The following TMEM131L variants were observed in gnomAD, a reference collection of about 807,000 sequenced individuals.
TMEM131L encodes transmembrane protein 131-like.
A neutral mutation model predicts 192.2 loss-of-function variants in TMEM131L; 54 were observed. That is an observed-to-expected ratio of 0.28 (90% CI 0.23 to 0.35). The LOEUF (loss-of-function observed/expected upper bound fraction) is 0.35, where lower values mean the gene tolerates loss of function less well. Among genes scored for constraint, TMEM131L ranks in the 10% least tolerant of loss-of-function variants. TMEM131L has a pLI of 1.00. For synonymous variants in TMEM131L, 701 were observed against 704.9 expected, an observed-to-expected ratio of 0.99 and a Z score of 0.09; for missense variants, 1,888 against 1,972.9, an observed-to-expected ratio of 0.96 and a Z score of 0.82.
At chr4:153,516,308 C>T (rs1332039436) in intron 3 of TMEM131L, among the ~76,000 whole-genome samples, 1 of 152,138 alleles carries the variant, frequency 6.6e-6, no homozygotes, top group Non-Finnish European at 1.5e-5. Flanking sequence ...TGGCTCACTG[C>T]AGCTTCCACC....
At chr4:153,581,688 TGTA>T (rs1488543857) in intron 9 of TMEM131L, 128 bp downstream of exon 9, 3 of 565,448 alleles carry the variant, frequency 5.3e-6, no homozygotes, top group Non-Finnish European at 8.1e-6. Flanking sequence ...ATTAAGTGAT[TGTA>T]GTAGTAACTG....
Position 153,627,619 on chromosome 4 carries a change from T to C in TMEM131L, c.4139T>C (p.Leu1380Pro). The change falls in exon 31 of 35, where the codon CTC (leucine) becomes CCC (proline). Residue 1380 changes from leucine (L) to proline (P), a missense_variant. Physicochemically the swap from Leu to Pro is moderately conservative, Grantham distance 98. Coordinates refer to ENST00000409959, the MANE Select transcript of TMEM131L (RefSeq NM_001131007.2). Reference protein sequence around the residue: ...NICNPMTVNSLPQYAEPSCPS... With the variant: ...NICNPMTVNSPPQYAEPSCPS... ...CTTCCCCACAGGACCGTGAATAGTCTCCCACAATACGCAGAGCCTTCCTGT... is the reference window on the plus strand; with the variant it reads ...CTTCCCCACAGGACCGTGAATAGTCCCCCACAATACGCAGAGCCTTCCTGT... 6.2e-7 allele frequency: 1 copy of C among 1,613,956 alleles called. No individual in the cohort carries two copies. The highest frequency in any genetic ancestry group is 8.5e-7 in the Non-Finnish European group (1 of 1,179,902).
intron 3 of TMEM131L, among the ~76,000 whole-genome samples, chr4:153,475,954 A>G (rs1442904450): frequency 6.6e-6 from 1 of 152,144 alleles, no homozygotes; most frequent in African/African-American, 2.4e-5. Flanking sequence ...TACAAATTGT[A>G]TTGATAACTT....
chr4:153,582,579 T>A (rs903360061), intron 9 of TMEM131L, among the ~76,000 whole-genome samples: 1 of 151,882 alleles, frequency 6.6e-6, no homozygotes, highest in Admixed American at 6.6e-5. Flanking sequence ...GTGCCCTGCT[T>A]TGGCAGTCTT....
intron 2 of TMEM131L, among the ~76,000 whole-genome samples, chr4:153,467,802 C>G (rs899691560): frequency 7.2e-5 from 11 of 152,050 alleles, no homozygotes; most frequent in African/African-American, 2.7e-4. Flanking sequence ...TGGTTTTTTT[C>G]TCTGTATGAT....
intron 3 of TMEM131L, among the ~76,000 whole-genome samples, chr4:153,480,455 G>A (rs1371013558): frequency 6.7e-6 from 1 of 150,346 alleles, no homozygotes; most frequent in Non-Finnish European, 1.5e-5. Flanking sequence ...AGGAGGTGGA[G>A]GTTGCAGTGA....
intron 2 of TMEM131L, among the ~76,000 whole-genome samples, chr4:153,468,425 T>G (rs1730920990): frequency 6.6e-6 from 1 of 151,422 alleles, no homozygotes; most frequent in South Asian, 2.1e-4. Flanking sequence ...CCTAAAAATT[T>G]ATTCCCAAAT....
At chr4:153,467,837 ATAAT>A (rs1730871194) in intron 2 of TMEM131L, among the ~76,000 whole-genome samples, 1 of 152,160 alleles carries the variant, frequency 6.6e-6, no homozygotes, top group Non-Finnish European at 1.5e-5. Flanking sequence ...GTGTAGAAAA[ATAAT>A]TACTGACGTT....
chr4:153,556,593 G>T (rs769479171), intron 5 of TMEM131L, among the ~76,000 whole-genome samples: 3 of 152,154 alleles, frequency 2.0e-5, no homozygotes, highest in Non-Finnish European at 4.4e-5. Context: ...GGTAAACGTT[G>T]TTCCTGATTT....
intron 4 of TMEM131L, among the ~76,000 whole-genome samples, chr4:153,552,277 T>C (rs1413180436): frequency 6.6e-6 from 1 of 152,090 alleles, no homozygotes; most frequent in African/African-American, 2.4e-5. Context: ...GAATATATGT[T>C]ATAGATTGGT....
intron 3 of TMEM131L, among the ~76,000 whole-genome samples, chr4:153,527,666 T>C (rs149190923): frequency 6.6e-6 from 1 of 152,314 alleles, no homozygotes; most frequent in African/African-American, 2.4e-5. Context: ...AATGTTTACT[T>C]CCTTTTCTTC....
rs547910016 is a variant in TMEM131L, at chr4:153,565,128, C to T, written c.660+6760C>T. Among the ~76,000 whole-genome samples the T allele has an allele frequency of 2.0e-5, 3 of 152,324 alleles. No homozygotes were observed. The South Asian group carries it at 6.2e-4, about 32-fold the overall frequency. On this transcript the variant is annotated intron_variant, in intron 7 of 34. Coordinates refer to ENST00000409959, the MANE Select transcript of TMEM131L (RefSeq NM_001131007.2). ...GGTCTGCATGCCGCTTGGTCCACACCCTGCCTTAATGCTTAGAGTCTTGGA... is the reference window on the plus strand; with the variant it reads ...GGTCTGCATGCCGCTTGGTCCACACTCTGCCTTAATGCTTAGAGTCTTGGA...
rs747272896 is a variant in TMEM131L at position 153,585,516 on chromosome 4, T to C, written c.1216T>C (p.Ser406Pro). 3.1e-6 allele frequency: 5 copies of C among 1,614,046 alleles called. No individual in the cohort carries two copies. The highest frequency in any genetic ancestry group is 4.2e-6 in the Non-Finnish European group (5 of 1,179,956). The change falls in exon 13 of 35, where the codon TCA becomes CCA. Residue 406 changes from serine to proline, a missense_variant. Coordinates refer to ENST00000409959, the MANE Select transcript of TMEM131L (RefSeq NM_001131007.2). ...TCACATAGAGACTCATGAGAACACA[T>C]CAGGACTTTGGTCAATATGGTACCG... ...QFHIETHENT[S>P]GLWSIWYRNH...
chr4:153,553,424 T>A (rs1737780450), intron 4 of TMEM131L, among the ~76,000 whole-genome samples: 1 of 151,246 alleles, frequency 6.6e-6, no homozygotes, highest in Non-Finnish European at 1.5e-5. Flanking sequence ...AGATCTGGAA[T>A]ATGATTATGA....
intron 3 of TMEM131L, among the ~76,000 whole-genome samples, chr4:153,502,530 A>G (rs1332637623): frequency 1.3e-5 from 2 of 152,242 alleles, no homozygotes; most frequent in African/African-American, 4.8e-5. Context: ...GCGTTGGTTG[A>G]AAAATGAATT....
rs566510456 is a variant in TMEM131L at position 153,516,973 on chromosome 4, C to T, written c.240-33100C>T. Among the ~76,000 whole-genome samples, 8 of 152,086 alleles carry T rather than the reference C, an allele frequency of 5.3e-5. No individual in the cohort carries two copies. In the South Asian group the frequency reaches 6.2e-4, roughly 12 times the overall value. ...TCCTGAGTAGCTGGGATTACAGGTG[C>T]GCGCCACCATGCCTGGCTAATTTTT... On this transcript the variant is annotated intron_variant, in intron 3 of 34. Coordinates refer to ENST00000409959, the MANE Select transcript of TMEM131L (RefSeq NM_001131007.2).
chr4:153,630,303 C>G (rs1000678306), intron 31 of TMEM131L, among the ~76,000 whole-genome samples: 1 of 152,202 alleles, frequency 6.6e-6, no homozygotes. Context: ...GGAGCCTACG[C>G]AGCAGGATGA....
intron 7 of TMEM131L, among the ~76,000 whole-genome samples, chr4:153,563,825 C>T (rs1729011331): frequency 6.6e-6 from 1 of 152,042 alleles, no homozygotes; most frequent in Non-Finnish European, 1.5e-5. Flanking sequence ...TGGTATTTCT[C>T]TTCACATTTA....
chr4:153,474,241 G>A (rs573669678), intron 3 of TMEM131L, among the ~76,000 whole-genome samples: 1 of 152,266 alleles, frequency 6.6e-6, no homozygotes, highest in South Asian at 2.1e-4. Flanking sequence ...CGTGTAGTGG[G>A]CAAGTAAGAC....
Sources: allele counts gnomAD v4.1 joint callset (sites outside exome capture counted in the v4.1 genomes callset), GRCh38; gene constraint gnomAD v4.1.1; transcripts MANE v1.5; gene names NCBI Gene and HGNC (gene_info 2026-07-23, HGNC 2026-07-21).